CASKIN1: variants seen among roughly 807,000 people sequenced by gnomAD.
CASKIN1 encodes caskin-1.
Under a neutral mutation model 117.5 loss-of-function variants are expected in CASKIN1, and 42 were observed. The ratio of observed to expected loss-of-function variants is 0.36; its 90% CI spans 0.28 to 0.46. CASKIN1 has a LOEUF of 0.46. Ranked by LOEUF, CASKIN1 falls within the 20% of genes least tolerant of loss-of-function variation. The probability of loss-of-function intolerance (pLI) is 1.00; values close to 1 mark genes in which losing one functional copy is unlikely to be tolerated. For synonymous variants in CASKIN1, 1,148 were observed against 961.7 expected (o/e 1.19, Z -3.59); for missense variants, 2,083 against 2,077.3 (o/e 1.00, Z -0.05).
At position 2,196,521 on chromosome 16, in the gene CASKIN1, C is replaced by T; in HGVS notation, c.-89G>A. On this transcript the variant is annotated 5_prime_UTR_variant, in exon 1 of 20. Coordinates refer to ENST00000343516, the MANE Select transcript of CASKIN1 (RefSeq NM_020764.4). This position sits in a 1 kb window ranked among gnomAD's most constrained non-coding sequence, Gnocchi z 5.7. ...GCGGCCCCGCGGCACCGGCCGCCTC[C>T]CCCGCCGCCTCCCCCGCCGCCTCCT... is the stretch of plus-strand genomic sequence containing the variant. 2.1e-6 allele frequency: 1 copy of T among 480,250 alleles called. No individual in the cohort carries two copies. The highest frequency in any genetic ancestry group is 2.7e-6 in the Non-Finnish European group (1 of 372,590). 29.7% of individuals were successfully genotyped at this position (480,250 alleles called of 1,614,324 possible).
chr16:2,181,788 C>T lies in CASKIN1; in HGVS notation c.1768+3G>A, dbSNP rs774546944. On this transcript the variant is annotated splice_donor_region_variant and intron_variant, in intron 17 of 19. Transcript: ENST00000343516. ...GGGACGAGGGCTGGGGCTGGGGCCT[C>T]ACCCAGCTTGGTGATGCCGATCTCC... 2 of 1,612,606 alleles carry T rather than the reference C, an allele frequency of 1.2e-6. No homozygotes were observed. The highest frequency in any genetic ancestry group is 8.5e-7 in the Non-Finnish European group (1 of 1,179,638).
chr16:2,195,619 C>A (rs1340870865), intron 1 of CASKIN1, among the ~76,000 whole-genome samples: 1 of 152,198 alleles, frequency 6.6e-6, no homozygotes, highest in Non-Finnish European at 1.5e-5. Context: ...CTGGGGATGG[C>A]CAGTGGTGGT....
Position 2,187,430 on chromosome 16 carries a change from G to A in CASKIN1, c.649C>T (p.Arg217Cys), listed in dbSNP as rs770028356. 4 of 1,608,768 alleles carry A rather than the reference G, an allele frequency of 2.5e-6. No homozygotes were observed. Among genetic ancestry groups the A allele is most frequent in the African/African-American group, 1.3e-5 (1 of 75,038 alleles). The change falls in exon 7 of 20, where the codon CGC becomes TGC. Residue 217 changes from arginine to cysteine, a missense_variant. By Grantham distance (180) the Arg-to-Cys change is radical. This residue lies in a region of CASKIN1 where 203 missense variants were observed against 338.7 expected (regional missense o/e 0.60). Transcript: ENST00000343516. Reference protein sequence around the residue: ...LLLQAGIDINRQTKSGTALHE... With the variant: ...LLLQAGIDINCQTKSGTALHE... ...AGGGCCGTGCCGGACTTGGTCTGGC[G>A]GTTAATGTCGATGCCGGCTTGGAGG...
intron 1 of CASKIN1, among the ~76,000 whole-genome samples, chr16:2,192,985 C>T (rs976066965): frequency 3.0e-4 from 46 of 152,238 alleles, no homozygotes; most frequent in African/African-American, 1.1e-3. Context: ...CCCATGCCTG[C>T]GGATGCTCTC....
rs778097929 is a variant in CASKIN1, at chr16:2,186,732, C to A, written c.1023G>T (p.Leu341=). The change falls in exon 10 of 20, where the codon CTG becomes CTT. Residue 341 remains leucine, a synonymous_variant. Coordinates refer to ENST00000343516, the MANE Select transcript of CASKIN1 (RefSeq NM_020764.4). Reference sequence around the variant, plus strand: ...CTGCTCGCTTGACAATGGCCTCGCCCAGGGAGGACGGGAAGTAGCCCACCC... The same window carrying A: ...CTGCTCGCTTGACAATGGCCTCGCCAAGGGAGGACGGGAAGTAGCCCACCC... ...NDRVGYFPSS[L]GEAIVKRAGS... 3 of 1,612,778 alleles carry A rather than the reference C, an allele frequency of 1.9e-6. No homozygotes were observed. In the Admixed American group the frequency reaches 5.0e-5, roughly 27 times the overall value.
In CASKIN1 at chr16:2,179,599, T is replaced by G; in HGVS notation, c.3769A>C (p.Ser1257Arg). ...SKKVPLPGPGSPEVKRAHGTP... is the reference protein window; with the variant it reads ...SKKVPLPGPGRPEVKRAHGTP... ...CCCACCCTGGCTGGCCTACCTGGGC[T>G]GCCAGGGCCTGGCAGCGGCACCTTC... The change falls in exon 18 of 20, where the codon AGC becomes CGC. Residue 1257 changes from serine to arginine, a missense_variant. By Grantham distance (110) the Ser-to-Arg change is moderately radical. This residue lies in a region of CASKIN1 where 1,818 missense variants were observed against 1,688.9 expected (regional missense o/e 1.08). Transcript: ENST00000343516. The surrounding 1 kb of genome is among the most constrained non-coding windows in gnomAD (Gnocchi z 5.8). 6.9e-7 allele frequency: 1 copy of G among 1,445,560 alleles called. No individual in the cohort carries two copies. The highest frequency in any genetic ancestry group is 9.0e-7 in the Non-Finnish European group (1 of 1,105,308). 89.5% of individuals were successfully genotyped at this position (1,445,560 alleles called of 1,614,324 possible).
At chr16:2,187,704 C>T (rs1393918793) in intron 6 of CASKIN1, among the ~76,000 whole-genome samples, 3 of 152,224 alleles carry the variant, frequency 2.0e-5, no homozygotes, top group Non-Finnish European at 4.4e-5. Context: ...TCACTACAGC[C>T]TCCACCTCCT....
At chr16:2,185,986 CATT>C (rs951274695) in intron 10 of CASKIN1, among the ~76,000 whole-genome samples, 2 of 152,138 alleles carry the variant, frequency 1.3e-5, no homozygotes, top group African/African-American at 4.8e-5. Flanking sequence ...TTGTTTTAAT[CATT>C]ATTTTTTTTT....
At position 2,183,721 on chromosome 16, in the gene CASKIN1, C is replaced by T. The variant is rs2093175060; in HGVS notation, c.1554G>A (p.Lys518=). ...CCGCGATCTTCTTCCGGTGGCCCGGCTTGGTGACACCAATGGCCGTGAGGT... is the reference window on the plus strand; with the variant it reads ...CCGCGATCTTCTTCCGGTGGCCCGGTTTGGTGACACCAATGGCCGTGAGGT... ...PEDLTAIGVT[K]PGHRKKIAAE... Residue 518 remains lysine (K), a synonymous_variant, in exon 16 of 20, where the codon AAG becomes AAA. Transcript: ENST00000343516. 2 of 1,613,280 alleles carry T rather than the reference C, an allele frequency of 1.2e-6. No individual in the cohort carries two copies. Among genetic ancestry groups the T allele is most frequent in the Non-Finnish European group, 1.7e-6 (2 of 1,179,998 alleles).
Position 2,187,411 on chromosome 16 carries a change from G to A in CASKIN1, c.668C>T (p.Thr223Met), listed in dbSNP as rs1211493138. 1.9e-6 allele frequency: 3 copies of A among 1,610,818 alleles called. No homozygotes were observed. Among genetic ancestry groups the A allele is most frequent in the Non-Finnish European group, 2.5e-6 (3 of 1,179,836 alleles). ...GCAGAGCGCAGCCTCGTGCAGGGCC[G>A]TGCCGGACTTGGTCTGGCGGTTAAT... The part of the protein sequence containing the change: ...IDINRQTKSG[T>M]ALHEAALCGK... The change falls in exon 7 of 20, where the codon ACG (threonine) becomes ATG (methionine). Residue 223 changes from threonine to methionine, a missense_variant. Thr to Met is a moderately conservative substitution (Grantham distance 81). This residue lies in a region of CASKIN1 where 203 missense variants were observed against 338.7 expected (regional missense o/e 0.60). Coordinates refer to ENST00000343516, the MANE Select transcript of CASKIN1 (RefSeq NM_020764.4).
rs780369604 is a variant in CASKIN1, at chr16:2,185,402, C to T, written c.1055G>A (p.Arg352Gln). 8.7e-6 allele frequency: 14 copies of T among 1,604,558 alleles called. No homozygotes were observed. The highest frequency in any genetic ancestry group is 4.5e-5 in the East Asian group (2 of 44,766). The change falls in exon 11 of 20, where the codon CGA (arginine) becomes CAA (glutamine). Residue 352 changes from arginine to glutamine, a missense_variant. By Grantham distance (43) the Arg-to-Gln change is conservative. This residue lies in a region of CASKIN1 where 1,818 missense variants were observed against 1,688.9 expected (regional missense o/e 1.08). Coordinates refer to ENST00000343516, the MANE Select transcript of CASKIN1 (RefSeq NM_020764.4). ...GEAIVKRAGS[R>Q]AGTEPSLPQG... ...GGGCAGGCTTGGTTCAGTGCCTGCT[C>T]GGGAACCTGTGGGTCAAGCAAAGCC...
In CASKIN1 at chr16:2,179,442, C is replaced by T; in HGVS notation, c.3776-117G>A. On this transcript the variant is annotated intron_variant, in intron 18 of 19. Transcript: ENST00000343516. This position sits in a 1 kb window ranked among gnomAD's most constrained non-coding sequence, Gnocchi z 5.8. ...CGGGAAAGACCCTGCTCACCTTGCC[C>T]CCAGCCCTGGATGGATGAGAGGGTC... 5 of 1,366,362 alleles carry T rather than the reference C, an allele frequency of 3.7e-6. No homozygotes were observed. Among genetic ancestry groups the T allele is most frequent in the Non-Finnish European group, 4.7e-6 (5 of 1,066,476 alleles). 84.6% of individuals were successfully genotyped at this position (1,366,362 alleles called of 1,614,324 possible).
At chr16:2,189,364 C>T (rs764445151) in intron 4 of CASKIN1, 31 bp from the exon 5 acceptor site, 20 of 1,611,756 alleles carry the variant, frequency 1.2e-5, no homozygotes, top group Non-Finnish European at 1.5e-5. Context: ...CAGGTCCGCA[C>T]ATCCTCAGGC....
intron 1 of CASKIN1, among the ~76,000 whole-genome samples, chr16:2,193,122 ATTC>A (rs2093205741): frequency 1.3e-5 from 2 of 152,030 alleles, no homozygotes; most frequent in Admixed American, 6.5e-5. Context: ...GGTTCAAGCA[ATTC>A]TTCTGCTTCA....
At chr16:2,189,686 G>A in intron 3 of CASKIN1, 122 bp from the exon 4 acceptor site, 1 of 973,348 alleles carries the variant, frequency 1.0e-6, no homozygotes, top group South Asian at 1.7e-5. Context: ...GAGGGCGCTA[G>A]GAGCTGACTT....
rs754731255 is a variant in CASKIN1, at chr16:2,180,154, C to T, written c.3214G>A (p.Gly1072Arg). The T allele has an allele frequency of 1.4e-5, 22 of 1,554,160 alleles. No homozygotes were observed. Among genetic ancestry groups the T allele is most frequent in the South Asian group, 3.5e-5 (3 of 84,764 alleles). Reference sequence around the variant, plus strand: ...CCCCGGCGGGCAGTGGCCAGAAGTCCGGTGACTGGCCCGCTGAGCGTGCGG... The same window carrying T: ...CCCCGGCGGGCAGTGGCCAGAAGTCTGGTGACTGGCCCGCTGAGCGTGCGG... ...RRRTLSGPVT[G>R]LLATARRGPG... The change falls in exon 18 of 20, where the codon GGA (glycine) becomes AGA (arginine). Residue 1072 changes from glycine to arginine, a missense_variant. Physicochemically the swap from Gly to Arg is moderately radical, Grantham distance 125. Around this residue, in one of 3 missense-constraint regions of CASKIN1, gnomAD observed 1,818 missense variants for 1,688.9 expected, o/e 1.08. Transcript: ENST00000343516.
chr16:2,191,737 A>T (rs1269623028), intron 1 of CASKIN1, among the ~76,000 whole-genome samples: 1 of 152,172 alleles, frequency 6.6e-6, no homozygotes, highest in African/African-American at 2.4e-5. Context: ...ATCCTTCCTG[A>T]CCATGGCCCA....
intron 1 of CASKIN1, among the ~76,000 whole-genome samples, chr16:2,191,667 C>A (rs1489023972): frequency 6.6e-6 from 1 of 152,226 alleles, no homozygotes; most frequent in Admixed American, 6.5e-5. Context: ...CCTCACCGGC[C>A]CCTCCCCCTC....
At chr16:2,190,030 GC>G in intron 3 of CASKIN1, 42 bp downstream of exon 3, 1 of 1,431,022 alleles carries the variant, frequency 7.0e-7, no homozygotes, top group Non-Finnish European at 9.8e-7. Context: ...CCCCCTCGCT[GC>G]CCCCGCCCCT....
Sources: allele counts gnomAD v4.1 joint callset (sites outside exome capture counted in the v4.1 genomes callset), GRCh38; gene constraint gnomAD v4.1.1; regional missense constraint gnomAD v4.1.1; non-coding constraint Gnocchi (gnomAD v3.1); transcripts MANE v1.5; gene names NCBI Gene and HGNC (gene_info 2026-07-23, HGNC 2026-07-21).